Variants in ZNF609 observed in about 807,000 individuals in gnomAD.
ZNF609 encodes the protein zinc finger protein 609.
ZNF609 carries 11 observed loss-of-function variants against 109.5 expected under a neutral mutation model. The ratio of observed to expected loss-of-function variants is 0.10; its 90% CI spans 0.06 to 0.17. The LOEUF is 0.17. Ranked by LOEUF, ZNF609 falls within the 10% of genes least tolerant of loss-of-function variation. ZNF609 has a pLI of 1.00. For missense variants in ZNF609, 1,559 were observed against 1,772.4 expected (o/e 0.88, Z 2.16); for synonymous variants, 646 against 662.0 (o/e 0.98, Z 0.37).
At chr15:64,581,806 G>GT (rs1396842953) in intron 2 of ZNF609, among the ~76,000 whole-genome samples, 1 of 152,100 alleles carries the variant, frequency 6.6e-6, no homozygotes, top group Non-Finnish European at 1.5e-5. Context: ...TTAGATTGTT[G>GT]TAAGCCTTTG....
chr15:64,640,594 C>G (rs1296587321), intron 3 of ZNF609, among the ~76,000 whole-genome samples: 1 of 152,222 alleles, frequency 6.6e-6, no homozygotes, highest in East Asian at 1.9e-4. Flanking sequence ...CTAGTTCCTT[C>G]TGCTAGGTCA....
chr15:64,561,110 AT>A (rs1357042206), intron 2 of ZNF609, among the ~76,000 whole-genome samples: 2 of 152,122 alleles, frequency 1.3e-5, no homozygotes, highest in Non-Finnish European at 2.9e-5. Flanking sequence ...AAGAGTTTTT[AT>A]ACTTCCTGGT....
At chr15:64,592,989 AAAG>A (rs1895327278) in intron 2 of ZNF609, 2 of 1,461,098 alleles carry the variant, frequency 1.4e-6, no homozygotes, top group African/African-American at 2.8e-5. Context: ...ATGACAAAGA[AAAG>A]AAGGAACAAT....
intron 2 of ZNF609, among the ~76,000 whole-genome samples, chr15:64,576,139 A>C (rs1894949084): frequency 6.6e-6 from 1 of 152,154 alleles, no homozygotes; most frequent in Non-Finnish European, 1.5e-5. Context: ...ATACTTGAAA[A>C]ATTAATAAAA....
chr15:64,618,105 C>T (rs778756828), intron 2 of ZNF609, among the ~76,000 whole-genome samples: 1 of 152,082 alleles, frequency 6.6e-6, no homozygotes, highest in Non-Finnish European at 1.5e-5. Flanking sequence ...GAAAAGATGG[C>T]AAAATGAGTC....
intron 3 of ZNF609, among the ~76,000 whole-genome samples, chr15:64,637,993 T>TA (rs1389783184): frequency 8.3e-5 from 4 of 48,236 alleles, no homozygotes; most frequent in Non-Finnish European, 1.9e-4. Flanking sequence ...AGAACCTTGT[T>TA]TTATATATAT....
At chr15:64,524,103 AC>A (rs1208638572) in intron 2 of ZNF609, among the ~76,000 whole-genome samples, 1 of 150,224 alleles carries the variant, frequency 6.7e-6, no homozygotes, top group Non-Finnish European at 1.5e-5. Context: ...AGTGGTTTAT[AC>A]TATATTCACA....
intron 3 of ZNF609, among the ~76,000 whole-genome samples, chr15:64,635,086 A>C (rs1223308461): frequency 6.6e-6 from 1 of 152,212 alleles, no homozygotes; most frequent in Non-Finnish European, 1.5e-5. Flanking sequence ...AAATAGACTA[A>C]TCTCCAGGGG....
At chr15:64,529,493 C>T (rs1327012293) in intron 2 of ZNF609, 44 of 1,107,574 alleles carry the variant, frequency 4.0e-5, no homozygotes, top group Admixed American at 2.9e-4. Context: ...TCAGCCTTGA[C>T]GGTGCCATGG....
chr15:64,508,988 C>T (rs555481527), intron 2 of ZNF609, among the ~76,000 whole-genome samples: 2 of 152,114 alleles, frequency 1.3e-5, no homozygotes, highest in South Asian at 4.1e-4. Flanking sequence ...GCCACTGTGC[C>T]CAGCTGAGAC....
intron 5 of ZNF609, among the ~76,000 whole-genome samples, chr15:64,677,012 C>T (rs1398661768): frequency 6.6e-6 from 1 of 152,010 alleles, no homozygotes; most frequent in Non-Finnish European, 1.5e-5. Context: ...CTCGGCCTCC[C>T]AAAGTACCTG....
intron 3 of ZNF609, among the ~76,000 whole-genome samples, 170 bp downstream of exon 3, chr15:64,623,222 G>A (rs1161992678): frequency 1.3e-5 from 2 of 152,178 alleles, no homozygotes; most frequent in Non-Finnish European, 2.9e-5. Flanking sequence ...AAATTTCCCA[G>A]CTTCTAGAGA....
intron 2 of ZNF609, among the ~76,000 whole-genome samples, chr15:64,512,875 A>T (rs1189665058): frequency 6.6e-6 from 1 of 152,178 alleles, no homozygotes; most frequent in African/African-American, 2.4e-5. Context: ...CAGGTTTGTT[A>T]GATGGGTAAA....
intron 3 of ZNF609, among the ~76,000 whole-genome samples, chr15:64,642,070 T>C (rs1006453822): frequency 6.6e-6 from 1 of 152,352 alleles, no homozygotes; most frequent in East Asian, 1.9e-4. Flanking sequence ...TTGGAGGTTC[T>C]GCCTACATGA....
intron 1 of ZNF609, among the ~76,000 whole-genome samples, chr15:64,480,444 T>G (rs538861507): frequency 3.1e-4 from 46 of 150,472 alleles, no homozygotes; most frequent in Non-Finnish European, 6.0e-4. Context: ...GGCGGGAGAA[T>G]AGGTTGAACC....
chr15:64,528,987 A>C lies in ZNF609; in HGVS notation c.747+28821A>C. 8.0e-6 allele frequency: 12 copies of C among 1,508,906 alleles called. No individual in the cohort carries two copies. The South Asian group carries it at 1.3e-4, about 16-fold the overall frequency. The allele number at this position is 1,508,906 out of a possible 1,614,324, so 93.5% of individuals were successfully genotyped here. Reference sequence around the variant, plus strand: ...CAGTGGGGACATGGAAGGCCATGCCAGTGAGCTTCCCGTTCAGCTCAGGGA... The same window carrying C: ...CAGTGGGGACATGGAAGGCCATGCCCGTGAGCTTCCCGTTCAGCTCAGGGA... On this transcript the variant is annotated intron_variant, in intron 2 of 9. Transcript: ENST00000326648.
intron 2 of ZNF609, among the ~76,000 whole-genome samples, chr15:64,557,758 G>A (rs1341427161): frequency 2.6e-5 from 4 of 152,074 alleles, no homozygotes; most frequent in South Asian, 2.1e-4. Flanking sequence ...GTGCAGTGGC[G>A]CGATCTCGGC....
intron 2 of ZNF609, among the ~76,000 whole-genome samples, chr15:64,564,698 G>A (rs1177078427): frequency 6.6e-6 from 1 of 151,826 alleles, no homozygotes. Context: ...ACCTATTTCA[G>A]TGTGGCTTCA....
At chr15:64,494,705 T>G (rs767340217) in intron 1 of ZNF609, among the ~76,000 whole-genome samples, 1 of 152,056 alleles carries the variant, frequency 6.6e-6, no homozygotes, top group Non-Finnish European at 1.5e-5. Context: ...TTTGTATTTT[T>G]AGTACAGACG....
Sources: gnomAD v4.1 joint callset for allele counts (sites outside exome capture counted in the v4.1 genomes callset) on GRCh38, gnomAD v4.1.1 for gene constraint, MANE v1.5 for transcripts, NCBI Gene and HGNC (gene_info 2026-07-23, HGNC 2026-07-21) for gene names.